KCNH1: variants seen among roughly 807,000 people sequenced by gnomAD.
The protein encoded by KCNH1 is potassium voltage-gated channel subfamily H member 1.
A neutral mutation model predicts 69.2 loss-of-function variants in KCNH1; 27 were observed. The observed-to-expected ratio is 0.39, with a 90% CI of 0.29 to 0.54. The LOEUF is 0.54. KCNH1 is among the 20% of genes least tolerant of loss of function. The probability of loss-of-function intolerance (pLI) is 0.68; values close to 1 mark genes in which losing one functional copy is unlikely to be tolerated. For synonymous variants in KCNH1, 456 were observed against 487.7 expected (o/e 0.93, Z 0.86); for missense variants, 798 against 1,261.6 (o/e 0.63, Z 5.57).
At chr1:210,785,105 T>C (rs1684069246) in intron 9 of KCNH1, among the ~76,000 whole-genome samples, 1 of 152,146 alleles carries the variant, frequency 6.6e-6, no homozygotes, top group South Asian at 2.1e-4. Context: ...AAAATGTCCA[T>C]ATGTGTGTAA....
chr1:211,104,885 C>T (rs1232231676), intron 2 of KCNH1, among the ~76,000 whole-genome samples: 1 of 152,140 alleles, frequency 6.6e-6, no homozygotes, highest in African/African-American at 2.4e-5. Context: ...TACAAAGAAC[C>T]TCAGGGGTTA....
At chr1:211,046,677 C>A (rs372761272) in intron 5 of KCNH1, among the ~76,000 whole-genome samples, 4 of 152,144 alleles carry the variant, frequency 2.6e-5, no homozygotes, top group African/African-American at 7.2e-5. Context: ...ATGCTTTAAA[C>A]CCCTCTGCTC....
intron 7 of KCNH1, among the ~76,000 whole-genome samples, chr1:210,892,036 G>C (rs1197532831): frequency 6.6e-6 from 1 of 152,082 alleles, no homozygotes; most frequent in African/African-American, 2.4e-5. Flanking sequence ...CACAGGGAGA[G>C]GAACATCACA....
chr1:210,855,146 G>C (rs1685804442), intron 7 of KCNH1, among the ~76,000 whole-genome samples: 1 of 152,090 alleles, frequency 6.6e-6, no homozygotes, highest in Admixed American at 6.6e-5. Context: ...ATCCACTTCA[G>C]AACAAGTCCA....
chr1:210,823,583 T>A (rs930600191), intron 7 of KCNH1, among the ~76,000 whole-genome samples: 2 of 152,212 alleles, frequency 1.3e-5, no homozygotes, highest in African/African-American at 4.8e-5. Context: ...AATGTCTTAA[T>A]ACAAAATAGC....
intron 10 of KCNH1, among the ~76,000 whole-genome samples, chr1:210,761,713 T>C (rs1683528396): frequency 6.6e-6 from 1 of 152,178 alleles, no homozygotes; most frequent in Admixed American, 6.5e-5. Context: ...CAAATATATA[T>C]ACAATTAAAA....
intron 6 of KCNH1, among the ~76,000 whole-genome samples, chr1:210,928,800 C>CA (rs1412990378): frequency 6.6e-6 from 1 of 151,684 alleles, no homozygotes; most frequent in Non-Finnish European, 1.5e-5. Flanking sequence ...CAAGATTAAC[C>CA]AAAAAAGAAA....
At chr1:210,904,546 T>A (rs1412957540) in intron 7 of KCNH1, among the ~76,000 whole-genome samples, 2 of 152,228 alleles carry the variant, frequency 1.3e-5, no homozygotes, top group Non-Finnish European at 2.9e-5. Context: ...AGGGGCAGGC[T>A]CTGGAGCCCA....
chr1:211,005,432 G>T (rs1439327776), intron 6 of KCNH1, among the ~76,000 whole-genome samples: 1 of 152,092 alleles, frequency 6.6e-6, no homozygotes, highest in African/African-American at 2.4e-5. Flanking sequence ...CAGTGAAAAA[G>T]AATTGAGTCC....
At chr1:211,000,610 G>A (rs1325778361) in intron 6 of KCNH1, among the ~76,000 whole-genome samples, 1 of 152,154 alleles carries the variant, frequency 6.6e-6, no homozygotes, top group Non-Finnish European at 1.5e-5. Context: ...TAGATTCAAT[G>A]CCATCCCCAT....
intron 10 of KCNH1, among the ~76,000 whole-genome samples, chr1:210,739,760 G>T (rs981948785): frequency 2.0e-5 from 3 of 152,192 alleles, no homozygotes; most frequent in African/African-American, 7.2e-5. Flanking sequence ...TTCAGGCTAT[G>T]ATATCTGCAA....
At chr1:210,931,021 T>C (rs537389270) in intron 6 of KCNH1, among the ~76,000 whole-genome samples, 1 of 152,126 alleles carries the variant, frequency 6.6e-6, no homozygotes, top group African/African-American at 2.4e-5. Flanking sequence ...ATAATAGATA[T>C]TGGCAGGGGT....
intron 5 of KCNH1, among the ~76,000 whole-genome samples, chr1:211,078,203 A>G (rs1690772976): frequency 6.6e-6 from 1 of 152,214 alleles, no homozygotes; most frequent in Admixed American, 6.5e-5. Context: ...AATATTAGAC[A>G]GATCAATGAG....
In KCNH1 at chr1:210,963,057, C is replaced by T. The variant is rs1425570262; in HGVS notation, c.1033-42988G>A. On this transcript the variant is annotated intron_variant, in intron 6 of 10. Transcript: ENST00000271751. ...GGAACTTTTCTTTAAAAAAGTATTC[C>T]CAAATCGTAACTTATCTTTTCATTT... 1.3e-5 allele frequency among the ~76,000 whole-genome samples: 2 copies of T among 151,400 alleles called. 1 individual carries two copies. Among genetic ancestry groups the T allele is most frequent in the Non-Finnish European group, 2.9e-5 (2 of 67,914 alleles).
At chr1:210,844,719 A>G (rs12741400) in intron 7 of KCNH1, among the ~76,000 whole-genome samples, 1 of 152,228 alleles carries the variant, frequency 6.6e-6, no homozygotes, top group South Asian at 2.1e-4. Flanking sequence ...GCAAGAAATA[A>G]CTAAGATCAG....
intron 6 of KCNH1, among the ~76,000 whole-genome samples, chr1:211,001,430 C>T (rs1689176858): frequency 6.6e-6 from 1 of 152,120 alleles, no homozygotes; most frequent in Admixed American, 6.5e-5. Flanking sequence ...TCATCACTGG[C>T]CATCAGAGAA....
chr1:211,040,737 C>G (rs1689981173), intron 5 of KCNH1, among the ~76,000 whole-genome samples: 1 of 152,180 alleles, frequency 6.6e-6, no homozygotes, highest in Admixed American at 6.5e-5. Context: ...GTCTTATTCC[C>G]TGCTACACCT....
At chr1:211,052,762 C>G (rs1476368089) in intron 5 of KCNH1, among the ~76,000 whole-genome samples, 1 of 152,230 alleles carries the variant, frequency 6.6e-6, no homozygotes, top group Non-Finnish European at 1.5e-5. Flanking sequence ...AGCTCTACTA[C>G]AGCAGCACGC....
intron 7 of KCNH1, among the ~76,000 whole-genome samples, chr1:210,864,991 G>A (rs1110266): frequency 6.6e-6 from 1 of 152,180 alleles, no homozygotes; most frequent in Non-Finnish European, 1.5e-5. Flanking sequence ...AAGAGCAGGT[G>A]TCCCAAACAA....
Sources: gnomAD v4.1 joint callset for allele counts (sites outside exome capture counted in the v4.1 genomes callset) on GRCh38, gnomAD v4.1.1 for gene constraint, MANE v1.5 for transcripts, NCBI Gene and HGNC (gene_info 2026-07-23, HGNC 2026-07-21) for gene names.